Variants in FANK1 observed in about 807,000 individuals in gnomAD.
FANK1 encodes the protein fibronectin type 3 and ankyrin repeat domains protein 1.
In FANK1, 44 loss-of-function variants were observed where a neutral mutation model predicts 45.3. The observed-to-expected ratio is 0.97, with a 90% CI of 0.76 to 1.25. The LOEUF is 1.25. Ranked by LOEUF, FANK1 falls within the 50% of genes most tolerant of loss-of-function variation. The probability of loss-of-function intolerance (pLI) is 0.00; values close to 1 mark genes in which losing one functional copy is unlikely to be tolerated. For synonymous variants in FANK1, 149 were observed against 152.5 expected, an observed-to-expected ratio of 0.98 and a Z score of 0.17; for missense variants, 391 against 424.4, an observed-to-expected ratio of 0.92 and a Z score of 0.69.
intron 1 of FANK1, among the ~76,000 whole-genome samples, chr10:125,896,927 G>A (rs76734740): frequency 6.6e-6 from 1 of 152,126 alleles, no homozygotes; most frequent in Non-Finnish European, 1.5e-5. Context: ...GGGGAAGGGC[G>A]CAGCGACCCC....
intron 1 of FANK1, among the ~76,000 whole-genome samples, chr10:125,915,885 T>C (rs1946410314): frequency 3.3e-5 from 5 of 152,272 alleles, no homozygotes; most frequent in Middle Eastern, 3.4e-3. Flanking sequence ...TCCCTGTGAT[T>C]TGTAGTGATT....
chr10:125,967,192 T>C (rs1424344224), intron 1 of FANK1, among the ~76,000 whole-genome samples: 1 of 152,234 alleles, frequency 6.6e-6, no homozygotes, highest in Non-Finnish European at 1.5e-5. Context: ...TGCATGTGTG[T>C]ATGTAGTTAA....
In FANK1 at chr10:126,006,859, CAAAT is replaced by C. The variant is rs560475545; in HGVS notation, c.706-1539_706-1536del. Among the ~76,000 whole-genome samples the C allele has an allele frequency of 6.6e-3, 1,004 of 152,314 alleles. 4 individuals are homozygous for C. Among genetic ancestry groups the C allele is most frequent in the Non-Finnish European group, 0.01 (682 of 68,024 alleles). ...TGGGTGACAGAGTGAGACTCCATCT[CAAAT>C]AAATAAATCATTCACAATAGGGCAA... On this transcript the variant is annotated intron_variant, in intron 7 of 10. Transcript: ENST00000368693.
At chr10:125,942,407 A>T (rs531625774) in intron 1 of FANK1, among the ~76,000 whole-genome samples, 19 of 152,262 alleles carry the variant, frequency 1.2e-4, no homozygotes, top group Non-Finnish European at 2.6e-4. Context: ...TCTTATAAAG[A>T]TGTCAATTCT....
intron 1 of FANK1, among the ~76,000 whole-genome samples, chr10:125,970,873 T>C (rs548359847): frequency 6.6e-6 from 1 of 150,756 alleles, no homozygotes; most frequent in East Asian, 1.9e-4. Context: ...AGGGAGAGCT[T>C]GAGCTTGAAT....
chr10:125,910,395 A>T (rs191454587), intron 1 of FANK1, among the ~76,000 whole-genome samples: 26 of 152,346 alleles, frequency 1.7e-4, no homozygotes, highest in Non-Finnish European at 3.2e-4. Context: ...ATAAAAAATT[A>T]TGAAAGAATG....
chr10:125,919,195 A>ATTTTTTGTTTTTTTTTTTTTT (rs1946740266), intron 1 of FANK1, among the ~76,000 whole-genome samples: 1 of 51,862 alleles, frequency 1.9e-5, no homozygotes, highest in Admixed American at 3.6e-4. Context: ...GGAGGTAAGA[A>ATTTTTTGTTTTTTTTTTTTTT]TTTTTTTTTT....
At chr10:125,927,686 G>A (rs971256665) in intron 1 of FANK1, among the ~76,000 whole-genome samples, 1 of 152,086 alleles carries the variant, frequency 6.6e-6, no homozygotes, top group Admixed American at 6.6e-5. Flanking sequence ...AAGAAGCTGG[G>A]ATTACAGGTG....
At chr10:125,946,773 C>T (rs992184893) in intron 1 of FANK1, among the ~76,000 whole-genome samples, 1 of 71,406 alleles carries the variant, frequency 1.4e-5, no homozygotes, top group Admixed American at 1.0e-4. Context: ...CAAAGATACT[C>T]CTCGAGAAGA....
chr10:125,938,207 C>T (rs141686902), intron 1 of FANK1, among the ~76,000 whole-genome samples: 9 of 151,836 alleles, frequency 5.9e-5, no homozygotes, highest in Admixed American at 3.9e-4. Context: ...ATTCTCACTG[C>T]GGAAGAAAGA....
intron 3 of FANK1, among the ~76,000 whole-genome samples, chr10:125,989,749 T>G (rs1381836715): frequency 6.6e-6 from 1 of 152,198 alleles, no homozygotes; most frequent in Non-Finnish European, 1.5e-5. Context: ...ACATGGAAGG[T>G]ACTTACCTCT....
chr10:125,898,323 A>G (rs1944749153), intron 1 of FANK1, among the ~76,000 whole-genome samples: 1 of 152,114 alleles, frequency 6.6e-6, no homozygotes, highest in South Asian at 2.1e-4. Context: ...GCTCTGTTCT[A>G]GGGATTGAGG....
At chr10:125,968,699 T>C (rs1286008468) in intron 1 of FANK1, among the ~76,000 whole-genome samples, 1 of 152,326 alleles carries the variant, frequency 6.6e-6, no homozygotes, top group South Asian at 2.1e-4. Context: ...CTAATTTGTT[T>C]TTTGAGTCTC....
chr10:125,952,644 C>T (rs912596197), intron 1 of FANK1, among the ~76,000 whole-genome samples: 2 of 151,856 alleles, frequency 1.3e-5, no homozygotes, highest in Non-Finnish European at 2.9e-5. Context: ...GAAAATGTTC[C>T]TCGATGTCTG....
At chr10:125,901,896 G>T (rs1449224161) in intron 1 of FANK1, among the ~76,000 whole-genome samples, 2 of 152,232 alleles carry the variant, frequency 1.3e-5, no homozygotes, top group Admixed American at 6.5e-5. Flanking sequence ...CAAGGCGGGC[G>T]GATCACCTGA....
chr10:125,952,632 A>G (rs112931595), intron 1 of FANK1, among the ~76,000 whole-genome samples: 2,708 of 152,004 alleles, frequency 0.018, 83 homozygotes, highest in African/African-American at 0.062. Flanking sequence ...TGTCATCTGG[A>G]TGAAAATGTT....
Position 126,005,035 on chromosome 10 carries a change from A to C in FANK1, c.691A>C (p.Lys231Gln). 1 of 1,613,688 alleles carries C rather than the reference A, an allele frequency of 6.2e-7. No homozygotes were observed. The highest frequency in any genetic ancestry group is 8.5e-7 in the Non-Finnish European group (1 of 1,179,798). Reference protein sequence around the residue: ...GHCSVIEWMIKDGCEVDVVDT... With the variant: ...GHCSVIEWMIQDGCEVDVVDT... Reference sequence around the variant, plus strand: ...CTGCAGTGTGATTGAGTGGATGATAAAGGATGGCTGTGAGGTACGGGACCT... The same window carrying C: ...CTGCAGTGTGATTGAGTGGATGATACAGGATGGCTGTGAGGTACGGGACCT... The change falls in exon 7 of 11, where the codon AAG becomes CAG. Residue 231 changes from lysine to glutamine, a missense_variant. By Grantham distance (53) the Lys-to-Gln change is moderately conservative. Coordinates refer to ENST00000368693, the MANE Select transcript of FANK1 (RefSeq NM_145235.5).
chr10:125,932,466 G>A (rs1344624228), intron 1 of FANK1, among the ~76,000 whole-genome samples: 1 of 152,144 alleles, frequency 6.6e-6, no homozygotes, highest in African/African-American at 2.4e-5. Flanking sequence ...TGCAGCTGTT[G>A]TAAAAGGGGG....
intron 3 of FANK1, among the ~76,000 whole-genome samples, chr10:125,990,619 A>G (rs73370577): frequency 0.017 from 2,525 of 152,262 alleles, 73 homozygotes; most frequent in African/African-American, 0.055. Flanking sequence ...GGCCTCTAGC[A>G]TCCTCTTAAT....
Sources: allele counts gnomAD v4.1 joint callset (sites outside exome capture counted in the v4.1 genomes callset), GRCh38; gene constraint gnomAD v4.1.1; transcripts MANE v1.5; gene names NCBI Gene and HGNC (gene_info 2026-07-23, HGNC 2026-07-21).